Variants in SH2B2 observed in about 807,000 individuals in gnomAD.
The protein encoded by SH2B2 is SH2B adapter protein 2.
A neutral mutation model predicts 35.7 loss-of-function variants in SH2B2; 37 were observed. The ratio of observed to expected loss-of-function variants is 1.04; its 90% confidence interval spans 0.80 to 1.36. The LOEUF is 1.36. Among genes scored for constraint, SH2B2 ranks in the 40% most tolerant of loss-of-function variants. The pLI is 0.00. For missense variants in SH2B2, 852 were observed against 817.7 expected (o/e 1.04, Z -0.51); for synonymous variants, 383 against 376.4 (o/e 1.02, Z -0.20).
intron 1 of SH2B2, among the ~76,000 whole-genome samples, chr7:102,295,016 CCTCT>C (rs1164222373): frequency 2.0e-5 from 3 of 152,166 alleles, no homozygotes; most frequent in Non-Finnish European, 4.4e-5. Context: ...TTGGAAGATT[CCTCT>C]CTAAGTTCCA....
chr7:102,307,503 C>T lies in SH2B2; in HGVS notation c.831+681C>T, dbSNP rs552841568. Among the ~76,000 whole-genome samples the T allele has an allele frequency of 3.3e-5, 5 of 152,254 alleles. No homozygotes were observed. The East Asian group carries it at 7.7e-4, about 24-fold the overall frequency. ...TTCTGGTTGTGTTTGTGTTTCTGCC[C>T]GTTCTCATTTGTTTAGTCACGGACT... On this transcript the variant is annotated intron_variant, in intron 3 of 8. Coordinates refer to ENST00000444095, the MANE Select transcript of SH2B2 (RefSeq NM_001359228.2).
At chr7:102,314,872 C>T (rs1383431899) in intron 6 of SH2B2, among the ~76,000 whole-genome samples, 190 bp downstream of exon 6, 1 of 152,198 alleles carries the variant, frequency 6.6e-6, no homozygotes, top group Non-Finnish European at 1.5e-5. Flanking sequence ...TGGCCCCTCC[C>T]ACTGGACCCA....
chr7:102,320,433 C>G lies in SH2B2; in HGVS notation c.1498C>G (p.Pro500Ala). 6.2e-7 allele frequency: 1 copy of G among 1,613,780 alleles called. No homozygotes were observed. The highest frequency in any genetic ancestry group is 2.2e-5 in the East Asian group (1 of 44,876). ...CCGCCACTTCCACACACACCCCATCCCACTGGAGTCAGGGGGCTCGGCCGA... is the reference window on the plus strand; with the variant it reads ...CCGCCACTTCCACACACACCCCATCGCACTGGAGTCAGGGGGCTCGGCCGA... ...MLRHFHTHPIPLESGGSADIT... is the reference protein window; with the variant it reads ...MLRHFHTHPIALESGGSADIT... Residue 500 changes from proline (P) to alanine (A), a missense_variant, in exon 8 of 9, where the codon CCA becomes GCA. Around this residue, in one of 3 missense-constraint regions of SH2B2, gnomAD observed 556 missense variants for 514.5 expected, o/e 1.08. Transcript: ENST00000444095.
chr7:102,287,065 GC>G lies in SH2B2; in HGVS notation c.-56del, dbSNP rs1215552690. 6.6e-6 allele frequency: 1 copy of G among 151,688 alleles called. No homozygotes were observed. The highest frequency in any genetic ancestry group is 2.4e-5 in the African/African-American group (1 of 41,320). The allele number at this position is 151,688 out of a possible 1,614,324, so 9.4% of individuals were successfully genotyped here. ...CGGGCAGCGCTCAGCCGGCGCCCCA[GC>G]CCGCTCGGCCGCAGCTGCGCGCCTG... On this transcript the variant is annotated 5_prime_UTR_variant, in exon 1 of 9. It removes the in-frame stop codon of an upstream open reading frame in the 5' UTR. Coordinates refer to ENST00000444095, the MANE Select transcript of SH2B2 (RefSeq NM_001359228.2).
chr7:102,299,620 G>A (rs574330634), intron 1 of SH2B2, among the ~76,000 whole-genome samples: 51 of 152,256 alleles, frequency 3.3e-4, no homozygotes, highest in African/African-American at 9.9e-4. Context: ...ATAGTTATGC[G>A]AATCCCAGGA....
chr7:102,293,109 C>T (rs2906714), intron 1 of SH2B2: 154,370 of 154,374 alleles, frequency 1, 77,183 homozygotes, highest in Middle Eastern at 1. Context: ...GCCCATTAGG[C>T]GGGGCGGCGA....
chr7:102,293,095 G>A (rs1792742829), intron 1 of SH2B2: 2 of 154,548 alleles, frequency 1.3e-5, no homozygotes, highest in African/African-American at 2.4e-5. Flanking sequence ...TCGATTGGTC[G>A]CGGGCCCATT....
chr7:102,317,269 C>T lies in SH2B2; in HGVS notation c.1269C>T (p.Ser423=). The part of the protein sequence containing the change: ...SDYPWFHGTL[S]RVKAAQLVLA... The stretch of plus-strand genomic sequence containing the variant: ...ACCCATGGTTCCACGGGACACTGTC[C>T]CGGGTCAAGGCTGCTCAACTGGTTC... The change falls in exon 7 of 9, where the codon TCC becomes TCT. Residue 423 remains serine, a synonymous_variant. Coordinates refer to ENST00000444095, the MANE Select transcript of SH2B2 (RefSeq NM_001359228.2). The T allele has an allele frequency of 6.2e-7, 1 of 1,613,704 alleles. No homozygotes were observed. The highest frequency in any genetic ancestry group is 2.2e-5 in the East Asian group (1 of 44,870).
At chr7:102,312,562 G>T (rs1019801734) in intron 4 of SH2B2, among the ~76,000 whole-genome samples, 124 of 152,358 alleles carry the variant, frequency 8.1e-4, no homozygotes, top group African/African-American at 3.0e-3. Context: ...CCTTCTGGGT[G>T]TGGGACAGAA....
In SH2B2 at chr7:102,320,493, C is replaced by A. The variant is rs548012920; in HGVS notation, c.1558C>A (p.Pro520Thr). Reference sequence around the variant, plus strand: ...TCGCAGCTATGTGCGGGCCCAGGACCCCCCACCAGGTAAGATGCCGCCACC... The same window carrying A: ...TCGCAGCTATGTGCGGGCCCAGGACACCCCACCAGGTAAGATGCCGCCACC... Reference protein sequence around the residue: ...TLRSYVRAQDPPPEPGPTPPA... With the variant: ...TLRSYVRAQDTPPEPGPTPPA... Residue 520 changes from proline (P) to threonine (T), a missense_variant, in exon 8 of 9, where the codon CCC becomes ACC. This residue lies in a region of SH2B2 where 556 missense variants were observed against 514.5 expected (regional missense o/e 1.08). Coordinates refer to ENST00000444095, the MANE Select transcript of SH2B2 (RefSeq NM_001359228.2). The A allele has an allele frequency of 1.2e-6, 2 of 1,612,702 alleles. No individual in the cohort carries two copies. Among genetic ancestry groups the A allele is most frequent in the Non-Finnish European group, 8.5e-7 (1 of 1,179,232 alleles).
Position 102,321,464 on chromosome 7 carries a change from C to A in SH2B2, c.1733C>A (p.Ser578Ter). The A allele has an allele frequency of 8.3e-7, 1 of 1,211,268 alleles. No homozygotes were observed. The highest frequency in any genetic ancestry group is 1.0e-6 in the Non-Finnish European group (1 of 971,690). 75.0% of individuals were successfully genotyped at this position (1,211,268 alleles called of 1,614,324 possible). The change falls in exon 9 of 9, where the codon TCG (serine) becomes TAG (stop). Residue 578 changes from serine (S) to a stop codon, truncating the protein, a stop_gained. Coordinates refer to ENST00000444095, the MANE Select transcript of SH2B2 (RefSeq NM_001359228.2). LOFTEE classifies it low-confidence loss of function (END_TRUNC). ...SSSASSSSAASGPAPPRPVEG... is the reference protein window; with the variant it reads ...SSSASSSSAA ...TCCGCCTCGTCGTCCTCTGCCGCGT[C>A]GGGGCCCGCCCCCCCGCGCCCCGTC...
chr7:102,317,108 C>A, intron 6 of SH2B2, 79 bp from the exon 7 acceptor site: 2 of 1,159,168 alleles, frequency 1.7e-6, no homozygotes, highest in South Asian at 3.2e-5. Context: ...AACAAGACGT[C>A]ACCTCTCTTC....
intron 2 of SH2B2, among the ~76,000 whole-genome samples, chr7:102,305,089 G>A (rs187830620): frequency 2.6e-5 from 4 of 152,234 alleles, no homozygotes; most frequent in Middle Eastern, 3.4e-3. Flanking sequence ...AACCCTGCCC[G>A]CAGCGTTGTT....
rs1289919997 is a variant in SH2B2, at chr7:102,317,226, A to G, written c.1226A>G (p.Glu409Gly). The part of the protein sequence containing the change: ...GAETDPEAEP[E>G]LELSDYPWFH... ...GAGACGGATCCCGAGGCTGAACCCG[A>G]GCTGGAGCTATCCGACTACCCATGG... The change falls in exon 7 of 9, where the codon GAG becomes GGG. Residue 409 changes from glutamate to glycine, a missense_variant. Physicochemically the swap from Glu to Gly is moderately conservative, Grantham distance 98. Transcript: ENST00000444095. 2 of 1,610,944 alleles carry G rather than the reference A, an allele frequency of 1.2e-6. No homozygotes were observed. Among genetic ancestry groups the G allele is most frequent in the Non-Finnish European group, 8.5e-7 (1 of 1,178,744 alleles).
chr7:102,293,558 G>A (rs1792777551), intron 1 of SH2B2, among the ~76,000 whole-genome samples: 1 of 151,866 alleles, frequency 6.6e-6, no homozygotes, highest in Non-Finnish European at 1.5e-5. Flanking sequence ...TAATGGATGG[G>A]GGGAGGGTGG....
chr7:102,320,217 GAC>G (rs1407211601), intron 7 of SH2B2, 112 bp from the exon 8 acceptor site: 1 of 889,174 alleles, frequency 1.1e-6, no homozygotes, highest in African/African-American at 1.7e-5. Context: ...CCCCGGCCCT[GAC>G]ACAGCCCCAT....
In SH2B2 at chr7:102,301,145, G is replaced by T. The variant is rs1242318885; in HGVS notation, c.595G>T (p.Ala199Ser). Residue 199 changes from alanine (A) to serine (S), a missense_variant, in exon 2 of 9, where the codon GCG becomes TCG. By Grantham distance (99) the Ala-to-Ser change is moderately conservative. This residue lies in a region of SH2B2 where 556 missense variants were observed against 514.5 expected (regional missense o/e 1.08). Transcript: ENST00000444095. ...VELVDIQREGALRFMVADDAA... is the reference protein window; with the variant it reads ...VELVDIQREGSLRFMVADDAA... ...GCTGGTGGACATTCAACGCGAGGGG[G>T]CGCTGCGCTTCATGGTGGCCGACGA... 6.5e-7 allele frequency: 1 copy of T among 1,547,868 alleles called. No homozygotes were observed. The highest frequency in any genetic ancestry group is 1.4e-5 in the African/African-American group (1 of 71,110).
At chr7:102,303,517 C>T (rs1312507012) in intron 2 of SH2B2, among the ~76,000 whole-genome samples, 3 of 152,192 alleles carry the variant, frequency 2.0e-5, no homozygotes, top group Admixed American at 1.3e-4. Context: ...GCCCATGAGC[C>T]ACATGGGCCC....
chr7:102,317,450 G>A (rs41275224), intron 7 of SH2B2, 55 bp downstream of exon 7: 69,638 of 1,450,460 alleles, frequency 0.048, 1,913 homozygotes, highest in Admixed American at 0.073. Flanking sequence ...AGGGAGAGGG[G>A]TCATGGTGAC....
Sources: allele counts gnomAD v4.1 joint callset (sites outside exome capture counted in the v4.1 genomes callset), GRCh38; gene constraint gnomAD v4.1.1; regional missense constraint gnomAD v4.1.1; transcripts MANE v1.5; gene names NCBI Gene and HGNC (gene_info 2026-07-23, HGNC 2026-07-21).